RALGPS1: variants seen among roughly 807,000 people sequenced by gnomAD.
RALGPS1 encodes Ral GEF with PH domain and SH3 binding motif 1.
In RALGPS1, 19 loss-of-function variants were observed where a neutral mutation model predicts 78.8. The ratio of observed to expected loss-of-function variants is 0.24; its 90% CI spans 0.17 to 0.35. The LOEUF (loss-of-function observed/expected upper bound fraction) is 0.35, where lower values mean the gene tolerates loss of function less well. Among genes scored for constraint, RALGPS1 ranks in the 10% least tolerant of loss-of-function variants. The probability of loss-of-function intolerance (pLI) is 1.00; values close to 1 mark genes in which losing one functional copy is unlikely to be tolerated. For missense variants in RALGPS1, 454 were observed against 688.3 expected, an observed-to-expected ratio of 0.66 and a Z score of 3.81; for synonymous variants, 228 against 256.3, an observed-to-expected ratio of 0.89 and a Z score of 1.06.
intron 11 of RALGPS1, among the ~76,000 whole-genome samples, chr9:127,182,320 T>G (rs113983167): frequency 1.9e-3 from 283 of 149,194 alleles, no homozygotes; most frequent in African/African-American, 6.6e-3. Flanking sequence ...CTACCTTCCT[T>G]CCTTCCTTCC....
chr9:126,998,783 G>A (rs1399607541), intron 4 of RALGPS1, among the ~76,000 whole-genome samples: 1 of 151,756 alleles, frequency 6.6e-6, no homozygotes, highest in Non-Finnish European at 1.5e-5. Context: ...GTCCAACAAC[G>A]ATAGACTGGA....
At chr9:126,998,718 C>T (rs1191119882) in intron 4 of RALGPS1, among the ~76,000 whole-genome samples, 1 of 152,056 alleles carries the variant, frequency 6.6e-6, no homozygotes, top group Non-Finnish European at 1.5e-5. Context: ...CACATGCACA[C>T]GTATGTTTAT....
rs2062530447 is a variant in RALGPS1 at position 127,215,531 on chromosome 9, G to A, written c.1644+689G>A. Reference sequence around the variant, plus strand: ...TGCTGAGGGTCCTGAGGCTCAGAAAGGGGCAGACACACATTTAAGGTCCCA... The same window carrying A: ...TGCTGAGGGTCCTGAGGCTCAGAAAAGGGCAGACACACATTTAAGGTCCCA... On this transcript the variant is annotated intron_variant, in intron 18 of 18. Transcript: ENST00000259351. Among the ~76,000 whole-genome samples, 3 of 152,204 alleles carry A rather than the reference G, an allele frequency of 2.0e-5. No individual in the cohort carries two copies. In the South Asian group the frequency reaches 6.2e-4, roughly 31 times the overall value.
rs1035254866 is a variant in RALGPS1, at chr9:126,964,429, C to T, written c.58-1415C>T. Among the ~76,000 whole-genome samples the T allele has an allele frequency of 1.7e-4, 26 of 151,592 alleles. 1 individual carries two copies. Among genetic ancestry groups the T allele is most frequent in the East Asian group, 1.2e-3 (6 of 5,162 alleles). On this transcript the variant is annotated intron_variant, in intron 2 of 18. Coordinates refer to ENST00000259351, the MANE Select transcript of RALGPS1 (RefSeq NM_014636.3). ...CCCGAGTCCCCTTGAATCAGCCCTC[C>T]TGGGGATGGAGGCAGATTCTGCCAG...
Position 127,034,490 on chromosome 9 carries a change from G to A in RALGPS1, c.276G>A (p.Val92=). The part of the protein sequence containing the change: ...KEKHSLAPNV[V]AFTRRFNQVS... ...AACACAGTCTTGCCCCTAACGTTGT[G>A]GCCTTTACCCGGAGGTTTAACCAGG... is the stretch of plus-strand genomic sequence containing the variant. Residue 92 remains valine (V), a synonymous_variant, in exon 5 of 19, where the codon GTG becomes GTA. Coordinates refer to ENST00000259351, the MANE Select transcript of RALGPS1 (RefSeq NM_014636.3). 1 of 1,614,080 alleles carries A rather than the reference G, an allele frequency of 6.2e-7. No individual in the cohort carries two copies. Among genetic ancestry groups the A allele is most frequent in the South Asian group, 1.1e-5 (1 of 91,074 alleles).
intron 13 of RALGPS1, 130 bp downstream of exon 13, chr9:127,196,761 C>G: frequency 8.8e-7 from 1 of 1,131,386 alleles, no homozygotes; most frequent in Admixed American, 2.6e-5. Flanking sequence ...GGCCCCTCAC[C>G]TCCCTGCAGA....
chr9:126,999,468 T>C (rs1487587378), intron 4 of RALGPS1, among the ~76,000 whole-genome samples: 1 of 152,226 alleles, frequency 6.6e-6, no homozygotes, highest in East Asian at 1.9e-4. Flanking sequence ...AAATCCTCTG[T>C]GCCCCACCTA....
In RALGPS1 at chr9:127,166,283, A is replaced by G. The variant is rs1038907740; in HGVS notation, c.748+77A>G. 14 of 1,533,830 alleles carry G rather than the reference A, an allele frequency of 9.1e-6. No homozygotes were observed. The African/African-American group carries it at 1.9e-4, about 21-fold the overall frequency. ...GTCTTACCAGTGAGAAAGCTCTAGA[A>G]ACCTTTCAAAGAACTACAAAGTTCC... On this transcript the variant is annotated intron_variant, in intron 9 of 18. Transcript: ENST00000259351.
At chr9:127,179,193 C>T (rs2060063679) in intron 11 of RALGPS1, among the ~76,000 whole-genome samples, 1 of 152,228 alleles carries the variant, frequency 6.6e-6, no homozygotes, top group African/African-American at 2.4e-5. Context: ...CTGGCTTCAG[C>T]CCTGGAAGCA....
At chr9:126,966,308 C>G (rs2039489295) in intron 3 of RALGPS1, among the ~76,000 whole-genome samples, 1 of 151,960 alleles carries the variant, frequency 6.6e-6, no homozygotes, top group Non-Finnish European at 1.5e-5. Context: ...GGCTTGAGCC[C>G]AGGAGTTCGA....
At chr9:127,036,687 G>A (rs573702037) in intron 5 of RALGPS1, among the ~76,000 whole-genome samples, 34 of 152,282 alleles carry the variant, frequency 2.2e-4, no homozygotes, top group Admixed American at 7.8e-4. Context: ...TGCTCATAGA[G>A]TGGCTGAGAT....
At chr9:127,142,047 A>G (rs1206896134) in intron 8 of RALGPS1, among the ~76,000 whole-genome samples, 1 of 152,220 alleles carries the variant, frequency 6.6e-6, no homozygotes, top group Non-Finnish European at 1.5e-5. Context: ...TGATAATGAC[A>G]GGAGCAACGT....
At chr9:127,100,425 A>C (rs2053601761) in intron 8 of RALGPS1, among the ~76,000 whole-genome samples, 1 of 152,230 alleles carries the variant, frequency 6.6e-6, no homozygotes, top group African/African-American at 2.4e-5. Context: ...GCCACTGTCC[A>C]AAGCATTGCG....
intron 8 of RALGPS1, among the ~76,000 whole-genome samples, chr9:127,082,392 A>C (rs1051109140): frequency 7.9e-5 from 12 of 152,216 alleles, no homozygotes; most frequent in African/African-American, 2.7e-4. Flanking sequence ...TTAGGCAGAC[A>C]GCTATGGACT....
intron 8 of RALGPS1, among the ~76,000 whole-genome samples, chr9:127,128,692 C>T (rs1366631935): frequency 1.3e-5 from 2 of 152,202 alleles, no homozygotes; most frequent in East Asian, 1.9e-4. Flanking sequence ...CTCTTGAAGG[C>T]GCGTGGTCAG....
intron 11 of RALGPS1, among the ~76,000 whole-genome samples, chr9:127,179,821 C>G (rs916598137): frequency 1.2e-4 from 18 of 152,220 alleles, no homozygotes; most frequent in African/African-American, 4.3e-4. Flanking sequence ...CTCTACCCCT[C>G]TACCCAGCCT....
chr9:126,927,140 T>C (rs1166087437), intron 1 of RALGPS1, among the ~76,000 whole-genome samples: 3 of 152,046 alleles, frequency 2.0e-5, no homozygotes, highest in South Asian at 2.1e-4. Context: ...GGGAGGCTGG[T>C]AGTCTTATGT....
intron 1 of RALGPS1, among the ~76,000 whole-genome samples, chr9:126,947,223 C>T (rs1415456835): frequency 2.6e-5 from 4 of 152,150 alleles, no homozygotes; most frequent in Non-Finnish European, 4.4e-5. Flanking sequence ...CTTGAATCCA[C>T]GCTACCTGCC....
intron 5 of RALGPS1, among the ~76,000 whole-genome samples, chr9:127,037,189 A>G (rs567328516): frequency 1.3e-5 from 2 of 152,362 alleles, no homozygotes; most frequent in African/African-American, 4.8e-5. Context: ...ACAAAGGGGC[A>G]GAGTAGTAGG....
Sources: allele counts gnomAD v4.1 joint callset (sites outside exome capture counted in the v4.1 genomes callset), GRCh38; gene constraint gnomAD v4.1.1; transcripts MANE v1.5; gene names NCBI Gene and HGNC (gene_info 2026-07-23, HGNC 2026-07-21).